LTA4H: variants seen among roughly 807,000 people sequenced by gnomAD.
LTA4H encodes leukotriene A-4 hydrolase.
Under a neutral mutation model 89.8 loss-of-function variants are expected in LTA4H, and 59 were observed. The observed-to-expected ratio is 0.66, with a 90% CI of 0.53 to 0.82. The LOEUF (loss-of-function observed/expected upper bound fraction) is 0.82. LTA4H is among the 40% of genes least tolerant of loss of function. The pLI, the probability that LTA4H is intolerant of heterozygous loss-of-function variation, is 0.00. For missense variants in LTA4H, 617 were observed against 727.0 expected (o/e 0.85, Z 1.74); for synonymous variants, 227 against 253.1 (o/e 0.90, Z 0.98).
intron 18 of LTA4H, among the ~76,000 whole-genome samples, chr12:96,001,894 G>C (rs774203251): frequency 5.3e-5 from 8 of 151,718 alleles, no homozygotes; most frequent in Non-Finnish European, 7.4e-5. Flanking sequence ...TGTCACCCGG[G>C]CTGGAGGAGC....
intron 4 of LTA4H, among the ~76,000 whole-genome samples, chr12:96,024,122 T>C (rs2660839): frequency 0.3 from 44,957 of 151,658 alleles, 6,943 homozygotes; most frequent in South Asian, 0.35. Context: ...TTAGTACAGA[T>C]GGGGTTTCAC....
chr12:96,024,648 A>G (rs533372373), intron 3 of LTA4H, 101 bp from the exon 4 acceptor site: 3 of 740,946 alleles, frequency 4.0e-6, no homozygotes, highest in Non-Finnish European at 6.8e-6. Flanking sequence ...ATTAAAATAA[A>G]AACAGTCCTC....
intron 5 of LTA4H, among the ~76,000 whole-genome samples, chr12:96,021,576 C>A (rs1042261585): frequency 6.6e-6 from 1 of 151,946 alleles, no homozygotes; most frequent in East Asian, 1.9e-4. Flanking sequence ...CAGAGTTACC[C>A]GGCAATAAGT....
chr12:96,035,891 C>T (rs892841791), upstream of LTA4H, among the ~76,000 whole-genome samples: 5 of 152,152 alleles, frequency 3.3e-5, no homozygotes, highest in South Asian at 1.0e-3. Flanking sequence ...CATTTTGGCT[C>T]TGTTCAACTT....
intron 1 of LTA4H, among the ~76,000 whole-genome samples, chr12:96,032,348 G>A (rs190530973): frequency 1.7e-4 from 26 of 152,324 alleles, no homozygotes; most frequent in African/African-American, 6.0e-4. Flanking sequence ...CTGGCACTGG[G>A]TCTTCCCATC....
intron 4 of LTA4H, among the ~76,000 whole-genome samples, chr12:96,024,099 T>G (rs1056200924): frequency 5.9e-5 from 9 of 151,870 alleles, no homozygotes; most frequent in Non-Finnish European, 1.3e-4. Flanking sequence ...CCGGCTAATT[T>G]TTTGTGTTTT....
chr12:96,032,184 G>A (rs2136918884), intron 1 of LTA4H, among the ~76,000 whole-genome samples: 1 of 152,348 alleles, frequency 6.6e-6, no homozygotes, highest in East Asian at 1.9e-4. Context: ...TCATAAATTT[G>A]GAGGATCAAA....
rs1256549949 is a variant in LTA4H, at chr12:96,009,020, C to A, written c.1434+74G>T. The stretch of plus-strand genomic sequence containing the variant: ...ATATAACTGTTTGTGATTTAAAGTA[C>A]CCTCCCTGCTTCATGAGTAAAGACA... On this transcript the variant is annotated intron_variant, in intron 15 of 18. Coordinates refer to ENST00000228740, the MANE Select transcript of LTA4H (RefSeq NM_000895.3). 26 of 1,086,578 alleles carry A rather than the reference C, an allele frequency of 2.4e-5. 1 individual carries two copies. The South Asian group carries it at 3.3e-4, about 14-fold the overall frequency. 67.3% of individuals were successfully genotyped at this position (1,086,578 alleles called of 1,614,324 possible).
chr12:96,016,277 C>T (rs1171394162), intron 10 of LTA4H, among the ~76,000 whole-genome samples: 10 of 134,380 alleles, frequency 7.4e-5, no homozygotes, highest in East Asian at 2.1e-4. Context: ...CCAGCCTGGG[C>T]GACAGAGTGA....
intron 1 of LTA4H, among the ~76,000 whole-genome samples, chr12:96,040,625 A>C (rs1016983014): frequency 6.6e-6 from 1 of 152,212 alleles, no homozygotes; most frequent in Non-Finnish European, 1.5e-5. Flanking sequence ...ATGTTGTATC[A>C]TGATGTTGGA....
Position 96,028,978 on chromosome 12 carries a change from GA to G in LTA4H, c.290+76del, listed in dbSNP as rs199908063. The G allele has an allele frequency of 4.3e-3, 5,362 of 1,260,488 alleles. 178 individuals are homozygous for G. In the African/African-American group the frequency reaches 0.072, roughly 17 times the overall value. 78.1% of individuals were successfully genotyped at this position (1,260,488 alleles called of 1,614,324 possible). On this transcript the variant is annotated intron_variant, in intron 2 of 18. Coordinates refer to ENST00000228740, the MANE Select transcript of LTA4H (RefSeq NM_000895.3). ...ATATTTACAAACTAAAATTTAAAAA[GA>G]AAAAATATTTAAATTAGTTAAGAAT...
At chr12:96,004,878 TTCTC>T (rs887399365) in intron 16 of LTA4H, among the ~76,000 whole-genome samples, 2 of 152,096 alleles carry the variant, frequency 1.3e-5, no homozygotes, top group Non-Finnish European at 2.9e-5. Context: ...CCCTACCATG[TTCTC>T]TCTCTCTGTG....
chr12:96,021,555 G>A (rs1039261733), intron 5 of LTA4H, among the ~76,000 whole-genome samples: 3 of 151,970 alleles, frequency 2.0e-5, no homozygotes, highest in African/African-American at 4.8e-5. Context: ...TTGGCATGTT[G>A]TAGAGGCACA....
At chr12:96,036,044 A>T (rs879572197), upstream of LTA4H, among the ~76,000 whole-genome samples, 4 of 152,160 alleles carry the variant, frequency 2.6e-5, no homozygotes, top group Non-Finnish European at 5.9e-5. Context: ...AGTGGTGAGT[A>T]TCCCCGCCTG....
chr12:96,013,230 T>G lies in LTA4H; in HGVS notation c.1337A>C (p.Asn446Thr). The change falls in exon 14 of 19, where the codon AAT becomes ACT. Residue 446 changes from asparagine to threonine, a missense_variant. Asn to Thr is a moderately conservative substitution (Grantham distance 65). Transcript: ENST00000228740. ...KVDVLNQVDWNAWLYSPGLPP... is the reference protein window; with the variant it reads ...KVDVLNQVDWTAWLYSPGLPP... The stretch of plus-strand genomic sequence containing the variant: ...CAGTCCAGGAGAGTAGAGCCAGGCA[T>G]TCCAATCAACTTGATTGAGAACATC... 6.2e-7 allele frequency: 1 copy of G among 1,613,750 alleles called. No homozygotes were observed. Among genetic ancestry groups the G allele is most frequent in the Non-Finnish European group, 8.5e-7 (1 of 1,179,726 alleles).
intron 1 of LTA4H, chr12:96,043,138 C>T: frequency 1.6e-6 from 1 of 611,300 alleles, no homozygotes; most frequent in Non-Finnish European, 2.9e-6. Context: ...TTTGCTTTCT[C>T]CACATTCTGC....
chr12:96,039,886 T>C (rs1185065509), upstream of LTA4H, among the ~76,000 whole-genome samples: 2 of 152,228 alleles, frequency 1.3e-5, no homozygotes, highest in Admixed American at 1.3e-4. Context: ...CTGTGCTACC[T>C]AGAAAATAAT....
At chr12:96,003,650 T>G (rs1950145854) in intron 17 of LTA4H, 188 bp downstream of exon 17, 4 of 373,118 alleles carry the variant, frequency 1.1e-5, no homozygotes, top group Non-Finnish European at 1.9e-5. Flanking sequence ...ACAAAAAGAT[T>G]AATACTACCA....
chr12:96,009,773 GT>G (rs1950268700), intron 14 of LTA4H: 1 of 152,282 alleles, frequency 6.6e-6, no homozygotes, highest in Non-Finnish European at 1.5e-5. Context: ...AGAACATGTA[GT>G]GTGTGCAAAA....
Sources: gnomAD v4.1 joint callset for allele counts (sites outside exome capture counted in the v4.1 genomes callset) on GRCh38, gnomAD v4.1.1 for gene constraint, MANE v1.5 for transcripts, NCBI Gene and HGNC (gene_info 2026-07-23, HGNC 2026-07-21) for gene names.